Variants in JARID2 observed in about 807,000 individuals in gnomAD.
The protein encoded by JARID2 is protein Jumonji.
JARID2 carries 21 observed loss-of-function variants against 125.6 expected under a neutral mutation model. That is an observed-to-expected ratio of 0.17 (90% CI 0.12 to 0.24). The LOEUF is 0.24. Among genes scored for constraint, JARID2 ranks in the 10% least tolerant of loss-of-function variants. JARID2 has a pLI of 1.00. For synonymous variants in JARID2, 736 were observed against 661.6 expected (o/e 1.11, Z -1.73); for missense variants, 1,303 against 1,639.6 (o/e 0.79, Z 3.55).
intron 3 of JARID2, among the ~76,000 whole-genome samples, chr6:15,420,828 G>C (rs781528416): frequency 1.2e-4 from 19 of 152,178 alleles, no homozygotes; most frequent in Non-Finnish European, 2.4e-4. Context: ...AAACCCTTAC[G>C]AGTATTTTAC....
chr6:15,487,372 G>C lies in JARID2; in HGVS notation c.736G>C (p.Ala246Pro). ...TGTTCAAAAACACAAAAGCAAAGAG[G>C]CCACTCCCGCAAAGGAGAAGCACAG... ...EPVQKHKSKE[A>P]TPAKEKHSDH... Residue 246 changes from alanine to proline, a missense_variant, in exon 6 of 18, where the codon GCC (alanine) becomes CCC (proline). Physicochemically the swap from Ala to Pro is conservative, Grantham distance 27. Transcript: ENST00000341776. 11 of 1,614,190 alleles carry C rather than the reference G, an allele frequency of 6.8e-6. No individual in the cohort carries two copies. The highest frequency in any genetic ancestry group is 9.3e-6 in the Non-Finnish European group (11 of 1,180,034).
At chr6:15,436,859 GT>G (rs1561861998) in intron 3 of JARID2, among the ~76,000 whole-genome samples, 2 of 151,726 alleles carry the variant, frequency 1.3e-5, no homozygotes, top group Non-Finnish European at 2.9e-5. Context: ...TTCCTATTCA[GT>G]TATAATGAGT....
At chr6:15,476,648 A>C (rs573452984) in intron 5 of JARID2, among the ~76,000 whole-genome samples, 1 of 152,198 alleles carries the variant, frequency 6.6e-6, no homozygotes, top group Non-Finnish European at 1.5e-5. Flanking sequence ...TTGGGTTAGC[A>C]CTCAAGGGTT....
chr6:15,319,206 GAGCAC>G (rs1762273439), intron 1 of JARID2, among the ~76,000 whole-genome samples: 1 of 152,156 alleles, frequency 6.6e-6, no homozygotes, highest in Non-Finnish European at 1.5e-5. Context: ...TTCATTAGAT[GAGCAC>G]AGATCTTTCA....
At chr6:15,367,317 T>C (rs1764015422) in intron 1 of JARID2, among the ~76,000 whole-genome samples, 1 of 152,236 alleles carries the variant, frequency 6.6e-6, no homozygotes. Context: ...ATGGCCTGAA[T>C]TTGAAACCAT....
chr6:15,511,207 G>A (rs1771262704), intron 12 of JARID2, 89 bp from the exon 13 acceptor site: 4 of 894,456 alleles, frequency 4.5e-6, no homozygotes, highest in East Asian at 2.4e-5. Flanking sequence ...TCGTGTGCTC[G>A]GGTCCCTGAG....
intron 3 of JARID2, among the ~76,000 whole-genome samples, chr6:15,447,461 G>T (rs1360882529): frequency 2.0e-5 from 3 of 152,188 alleles, no homozygotes; most frequent in African/African-American, 7.2e-5. Flanking sequence ...CTCTGGGGCT[G>T]TGTTACCCAG....
intron 1 of JARID2, among the ~76,000 whole-genome samples, chr6:15,281,010 A>G (rs374962214): frequency 4.8e-4 from 73 of 152,292 alleles, no homozygotes; most frequent in African/African-American, 1.7e-3. Context: ...CTAGCTAGGA[A>G]ATCCAAGCAG....
At chr6:15,282,689 C>T (rs564959598) in intron 1 of JARID2, among the ~76,000 whole-genome samples, 93 of 152,228 alleles carry the variant, frequency 6.1e-4, no homozygotes, top group African/African-American at 2.2e-3. Flanking sequence ...ACCGCAACCT[C>T]CACCTCCTGG....
intron 1 of JARID2, among the ~76,000 whole-genome samples, chr6:15,336,662 T>G (rs1425391133): frequency 5.9e-5 from 9 of 152,070 alleles, no homozygotes; most frequent in Non-Finnish European, 8.8e-5. Flanking sequence ...TTTTTTTTTT[T>G]TTTTTAATAG....
chr6:15,329,177 TG>T (rs200939545), intron 1 of JARID2, among the ~76,000 whole-genome samples: 2 of 46,490 alleles, frequency 4.3e-5, no homozygotes, highest in African/African-American at 1.6e-4. Context: ...CTCTTTAATA[TG>T]GTTTTTTTTT....
intron 11 of JARID2, among the ~76,000 whole-genome samples, chr6:15,507,681 T>C (rs1771076152): frequency 6.6e-6 from 1 of 152,178 alleles, no homozygotes; most frequent in Admixed American, 6.5e-5. Flanking sequence ...ACCTTGAAAT[T>C]GCTGCTTTCA....
chr6:15,289,198 G>C (rs1170351717), intron 1 of JARID2, among the ~76,000 whole-genome samples: 4 of 152,044 alleles, frequency 2.6e-5, no homozygotes, highest in Admixed American at 6.6e-5. Flanking sequence ...AGGGACACAA[G>C]AATAATGAAG....
chr6:15,339,454 G>A lies in JARID2; in HGVS notation c.46-34663G>A, dbSNP rs537444896. Among the ~76,000 whole-genome samples, 335 of 152,148 alleles carry A rather than the reference G, an allele frequency of 2.2e-3. 2 individuals carry two copies. The highest frequency in any genetic ancestry group is 3.8e-3 in the Non-Finnish European group (261 of 68,004). ...ACCTCAGTCTCTTATAAAAAAGAGA[G>A]AAGATGCAGGTATTCCCAGGGTGCA... On this transcript the variant is annotated intron_variant, in intron 1 of 17. Coordinates refer to ENST00000341776, the MANE Select transcript of JARID2 (RefSeq NM_004973.4).
intron 3 of JARID2, among the ~76,000 whole-genome samples, chr6:15,424,079 T>C (rs969114550): frequency 6.6e-6 from 1 of 152,056 alleles, no homozygotes; most frequent in East Asian, 1.9e-4. Flanking sequence ...CTAAACTCTT[T>C]CTGGGAGGCA....
chr6:15,358,447 G>T lies in JARID2; in HGVS notation c.46-15670G>T, dbSNP rs534123312. Among the ~76,000 whole-genome samples, 3 of 152,226 alleles carry T rather than the reference G, an allele frequency of 2.0e-5. No individual in the cohort carries two copies. The East Asian group carries it at 5.8e-4, about 29-fold the overall frequency. On this transcript the variant is annotated intron_variant, in intron 1 of 17. Transcript: ENST00000341776. Reference sequence around the variant, plus strand: ...ACTAACACACTGTTTTTGTGTTGTTGGTGGATTAGGACTGAATTACCTCTG... The same window carrying T: ...ACTAACACACTGTTTTTGTGTTGTTTGTGGATTAGGACTGAATTACCTCTG...
At chr6:15,292,545 A>G (rs1032216604) in intron 1 of JARID2, among the ~76,000 whole-genome samples, 1 of 152,202 alleles carries the variant, frequency 6.6e-6, no homozygotes, top group Non-Finnish European at 1.5e-5. Context: ...GATTTGCCAG[A>G]AATGTAACAC....
chr6:15,282,254 A>T (rs1760781870), intron 1 of JARID2, among the ~76,000 whole-genome samples: 1 of 151,956 alleles, frequency 6.6e-6, no homozygotes, highest in Non-Finnish European at 1.5e-5. Flanking sequence ...GTGCTGTTTT[A>T]GAGTAGGAAG....
At chr6:15,449,873 T>C (rs1251028195) in intron 3 of JARID2, among the ~76,000 whole-genome samples, 1 of 152,122 alleles carries the variant, frequency 6.6e-6, no homozygotes, top group Non-Finnish European at 1.5e-5. Flanking sequence ...GCTTAGGACA[T>C]ACAAGGGAAT....
Sources: allele counts gnomAD v4.1 joint callset (sites outside exome capture counted in the v4.1 genomes callset), GRCh38; gene constraint gnomAD v4.1.1; transcripts MANE v1.5; gene names NCBI Gene and HGNC (gene_info 2026-07-23, HGNC 2026-07-21).